HBS1L: variants seen among roughly 807,000 people sequenced by gnomAD.
HBS1L encodes HBS1-like protein.
In HBS1L, 55 loss-of-function variants were observed where a neutral mutation model predicts 88.9. The ratio of observed to expected loss-of-function variants is 0.62; its 90% CI spans 0.50 to 0.77. The LOEUF is 0.77. Ranked by LOEUF, HBS1L falls within the 30% of genes least tolerant of loss-of-function variation. HBS1L has a pLI of 0.00. For synonymous variants in HBS1L, 267 were observed against 288.5 expected, an observed-to-expected ratio of 0.93 and a Z score of 0.76; for missense variants, 741 against 829.3, an observed-to-expected ratio of 0.89 and a Z score of 1.31.
chr6:135,010,215 C>A (rs976364183), intron 4 of HBS1L, among the ~76,000 whole-genome samples: 2 of 152,094 alleles, frequency 1.3e-5, no homozygotes, highest in Non-Finnish European at 2.9e-5. Flanking sequence ...AAGGCTCGGC[C>A]ACCAGACAAT....
At position 135,050,589 on chromosome 6, in the gene HBS1L, C is replaced by T. The variant is rs35916433; in HGVS notation, c.102G>A (p.Pro34=). Reference sequence around the variant, plus strand: ...TTATTTTTAAAAATTCACCTGTTGACGGCGAAATACAATAATCATCCTCTA... The same window carrying T: ...TTATTTTTAAAAATTCACCTGTTGATGGCGAAATACAATAATCATCCTCTA... The part of the protein sequence containing the change: ...QSVEDDYCIS[P]STAAQFIYSR... Residue 34 remains proline, a synonymous_variant, in exon 2 of 18, where the codon CCG becomes CCA. Coordinates refer to ENST00000367837, the MANE Select transcript of HBS1L (RefSeq NM_006620.4). 30 of 1,586,932 alleles carry T rather than the reference C, an allele frequency of 1.9e-5. No individual in the cohort carries two copies. The highest frequency in any genetic ancestry group is 7.0e-5 in the Admixed American group (4 of 57,400).
At chr6:134,978,852 C>T in intron 14 of HBS1L, 65 bp from the exon 15 acceptor site, 1 of 930,476 alleles carries the variant, frequency 1.1e-6, no homozygotes, top group Non-Finnish European at 1.7e-6. Context: ...ATAGAAAGAC[C>T]TCAAAAACAT....
At chr6:135,027,236 C>CAGAAA (rs1032390551) in intron 4 of HBS1L, 3 of 99,750 alleles carry the variant, frequency 3.0e-5, no homozygotes, top group Non-Finnish European at 6.6e-5. Flanking sequence ...AAATAGCTAA[C>CAGAAA]AGAAAAGTAT....
rs1774179631 is a variant in HBS1L, at chr6:134,961,117, T to A, written c.*4162A>T. 1 of 138,984 alleles carries A rather than the reference T, an allele frequency of 7.2e-6. No homozygotes were observed. The highest frequency in any genetic ancestry group is 7.7e-5 in the Admixed American group (1 of 12,948). The allele number at this position is 138,984 out of a possible 1,614,324, so 8.6% of individuals were successfully genotyped here. On this transcript the variant is annotated 3_prime_UTR_variant, in exon 18 of 18. Coordinates refer to ENST00000367837, the MANE Select transcript of HBS1L (RefSeq NM_006620.4). ...TTTTTTTTTTTTTTTTTTGCATTGA[T>A]ATGAATAGTTTCACTAATTCCATTC...
intron 7 of HBS1L, among the ~76,000 whole-genome samples, chr6:134,995,817 G>A (rs937325872): frequency 1.2e-4 from 18 of 152,008 alleles, no homozygotes; most frequent in African/African-American, 4.3e-4. Context: ...ATACTATAAA[G>A]AACTAAAGAC....
chr6:134,994,485 G>C (rs551954876), intron 7 of HBS1L, among the ~76,000 whole-genome samples: 39 of 152,186 alleles, frequency 2.6e-4, no homozygotes, highest in Middle Eastern at 6.8e-3. Flanking sequence ...ATTCAGATTA[G>C]TGAAATGCTT....
At position 134,987,634 on chromosome 6, in the gene HBS1L, C is replaced by T. The variant is rs372820678; in HGVS notation, c.1230+11G>A. ...GCATCTTAAACAAATCTCCACAAAG[C>T]CCTTAAATACCTGATCCATTTTATT... On this transcript the variant is annotated intron_variant, in intron 9 of 17. Coordinates refer to ENST00000367837, the MANE Select transcript of HBS1L (RefSeq NM_006620.4). 2.1e-5 allele frequency: 33 copies of T among 1,585,722 alleles called. No individual in the cohort carries two copies. The African/African-American group carries it at 4.1e-4, about 20-fold the overall frequency.
At position 134,987,688 on chromosome 6, in the gene HBS1L, A is replaced by T. The variant is rs776801073; in HGVS notation, c.1187T>A (p.Leu396Gln). 1 of 1,608,288 alleles carries T rather than the reference A, an allele frequency of 6.2e-7. No individual in the cohort carries two copies. The highest frequency in any genetic ancestry group is 1.7e-5 in the Admixed American group (1 of 59,036). Reference protein sequence around the residue: ...TREHGLLVRSLGVTQLAVAVN... With the variant: ...TREHGLLVRSQGVTQLAVAVN... ...TGCAACTGCAAGCTGCGTCACTCCC[A>T]GAGAACGGACCAAGAGTCCATGCTC... Residue 396 changes from leucine to glutamine, a missense_variant, in exon 9 of 18, where the codon CTG becomes CAG. Transcript: ENST00000367837.
rs1052954630 is a variant in HBS1L at position 135,031,476 on chromosome 6, G to C, written c.430+8097C>G. On this transcript the variant is annotated intron_variant, in intron 4 of 17. Transcript: ENST00000367837. ...ACTTATTTATAAGGTGGGAATAACA[G>C]GAATGGTAATCAATTATGAGTAGCA... Among the ~76,000 whole-genome samples, 8 of 152,006 alleles carry C rather than the reference G, an allele frequency of 5.3e-5. No homozygotes were observed. In the East Asian group the frequency reaches 1.5e-3, roughly 29 times the overall value.
At chr6:134,994,852 A>T (rs1227335721) in intron 7 of HBS1L, among the ~76,000 whole-genome samples, 1 of 152,146 alleles carries the variant, frequency 6.6e-6, no homozygotes, top group Non-Finnish European at 1.5e-5. Context: ...TCAGGAATTT[A>T]AACAGGGAAA....
At chr6:135,021,474 T>G (rs1562300986) in intron 4 of HBS1L, among the ~76,000 whole-genome samples, 1 of 152,148 alleles carries the variant, frequency 6.6e-6, no homozygotes, top group African/African-American at 2.4e-5. Flanking sequence ...GACTAGCAAA[T>G]GACTTCATTT....
intron 2 of HBS1L, among the ~76,000 whole-genome samples, chr6:135,048,198 C>T (rs1324091815): frequency 1.3e-5 from 2 of 152,178 alleles, no homozygotes; most frequent in Non-Finnish European, 2.9e-5. Flanking sequence ...CCTTTTGCTT[C>T]TTGTTCCAGT....
At chr6:135,021,784 G>A (rs991685491) in intron 4 of HBS1L, among the ~76,000 whole-genome samples, 4 of 152,216 alleles carry the variant, frequency 2.6e-5, no homozygotes, top group African/African-American at 2.4e-5. Context: ...TAACACCTAC[G>A]TAAAATTAGG....
intron 4 of HBS1L, among the ~76,000 whole-genome samples, chr6:135,026,048 G>C (rs569686657): frequency 6.6e-6 from 1 of 152,274 alleles, no homozygotes; most frequent in South Asian, 2.1e-4. Context: ...CTCCAGGAAA[G>C]AAAGAGTAAT....
At chr6:135,048,424 C>A (rs914080349) in intron 2 of HBS1L, among the ~76,000 whole-genome samples, 1 of 152,188 alleles carries the variant, frequency 6.6e-6, no homozygotes, top group South Asian at 2.1e-4. Flanking sequence ...GATTCAGGGA[C>A]CTTCTGAGGC....
intron 4 of HBS1L, chr6:135,037,767 A>G: frequency 1.3e-6 from 2 of 1,550,804 alleles, no homozygotes; most frequent in Non-Finnish European, 1.7e-6. Flanking sequence ...CTCTTGACAT[A>G]TCATGAATTA....
chr6:134,991,112 A>G (rs1048806865), intron 8 of HBS1L, among the ~76,000 whole-genome samples: 6 of 151,358 alleles, frequency 4.0e-5, no homozygotes, highest in Non-Finnish European at 8.9e-5. Flanking sequence ...AATCAAAACT[A>G]TATTGTATTC....
Position 134,966,719 on chromosome 6 carries a change from C to T in HBS1L, c.1899-246G>A, listed in dbSNP as rs1774326932. ...ATTTTTACCAATCTTCCAAATATAA[C>T]TCTATCCCTTACGGGACCACTATAG... On this transcript the variant is annotated intron_variant, in intron 16 of 17. Transcript: ENST00000367837. Among the ~76,000 whole-genome samples the T allele has an allele frequency of 1.3e-5, 2 of 151,474 alleles. 1 individual carries two copies. The highest frequency in any genetic ancestry group is 4.9e-5 in the African/African-American group (2 of 40,818).
chr6:135,054,525 G>A, intron 1 of HBS1L, 124 bp downstream of exon 1: 2 of 1,092,594 alleles, frequency 1.8e-6, no homozygotes, highest in South Asian at 2.7e-5. Flanking sequence ...TTCCCCAACT[G>A]GGGCTCTCCC....
Sources: gnomAD v4.1 joint callset for allele counts (sites outside exome capture counted in the v4.1 genomes callset) on GRCh38, gnomAD v4.1.1 for gene constraint, MANE v1.5 for transcripts, NCBI Gene and HGNC (gene_info 2026-07-23, HGNC 2026-07-21) for gene names.